Variants in TBC1D26 observed in about 807,000 individuals in gnomAD.
TBC1D26 encodes the protein TBC1 domain family member 26.
In TBC1D26, 19 loss-of-function variants were observed where a neutral mutation model predicts 42.5. The ratio of observed to expected loss-of-function variants is 0.45; its 90% CI spans 0.31 to 0.66. The LOEUF (loss-of-function observed/expected upper bound fraction) is 0.66, where lower values mean the gene tolerates loss of function less well. Ranked by LOEUF, TBC1D26 falls within the 30% of genes least tolerant of loss-of-function variation. The pLI is 0.06. For missense variants in TBC1D26, 228 were observed against 332.6 expected (o/e 0.69, Z 2.45); for synonymous variants, 97 against 123.5 (o/e 0.79, Z 1.42).
In TBC1D26 at chr17:15,740,854, C is replaced by A. The variant is rs1967757648; in HGVS notation, c.547-268C>A. ...CCTGGCCCAGGGGAGGGAGCATGAACAATCCCTGACTGTGCCCTTTCGGGC... is the reference window on the plus strand; with the variant it reads ...CCTGGCCCAGGGGAGGGAGCATGAAAAATCCCTGACTGTGCCCTTTCGGGC... On this transcript the variant is annotated intron_variant, in intron 9 of 14. Coordinates refer to ENST00000437605, the MANE Select transcript of TBC1D26 (RefSeq NM_001388465.1). The A allele has an allele frequency of 6.6e-6, 4 of 608,778 alleles. No homozygotes were observed. The South Asian group carries it at 8.5e-5, about 13-fold the overall frequency. 37.7% of individuals were successfully genotyped at this position (608,778 alleles called of 1,614,324 possible). A position where few individuals can be genotyped will look rare whatever the true frequency, so the allele number is the denominator to read the frequency against.
At chr17:15,739,382 C>T (rs1443034985) in intron 8 of TBC1D26, among the ~76,000 whole-genome samples, 5 of 152,248 alleles carry the variant, frequency 3.3e-5, no homozygotes, top group Non-Finnish European at 5.9e-5. Context: ...AAGTAAAACC[C>T]GCATGTGACG....
chr17:15,741,054 A>G (rs1436287876), intron 9 of TBC1D26, 68 bp from the exon 10 acceptor site: 2 of 1,593,276 alleles, frequency 1.3e-6, no homozygotes, highest in Non-Finnish European at 1.7e-6. Context: ...CTCTGGTGAC[A>G]TAAGTCCTCC....
intron 7 of TBC1D26, 99 bp downstream of exon 7, chr17:15,738,486 T>C (rs1037376967): frequency 2.1e-5 from 31 of 1,448,550 alleles, no homozygotes; most frequent in Non-Finnish European, 2.9e-5. Context: ...GGGTTGGGAG[T>C]GGGGGCTGTG....
rs1218677003 is a variant in TBC1D26, at chr17:15,737,614, G to T, written c.198+91G>T. On this transcript the variant is annotated intron_variant, in intron 5 of 14. Transcript: ENST00000437605. ...CAGAGGGGGTGGCCTGTGGGCCTGT[G>T]TGGTGGTGAGTGGGCCACGGCTGTC... 3 of 1,436,398 alleles carry T rather than the reference G, an allele frequency of 2.1e-6. No individual in the cohort carries two copies. In the African/African-American group the frequency reaches 4.2e-5, roughly 20 times the overall value. 89.0% of individuals were successfully genotyped at this position (1,436,398 alleles called of 1,614,324 possible).
intron 4 of TBC1D26, among the ~76,000 whole-genome samples, chr17:15,736,227 C>T (rs1967608888): frequency 6.6e-6 from 1 of 152,264 alleles, no homozygotes. Context: ...GAGCATGCAA[C>T]TGAAGGCCCC....
At chr17:15,738,112 C>T (rs780125299) in intron 6 of TBC1D26, 35 bp downstream of exon 6, 21 of 1,613,832 alleles carry the variant, frequency 1.3e-5, no homozygotes, top group Non-Finnish European at 1.7e-5. Flanking sequence ...CGTGACTGCT[C>T]TCTGCAGAGC....
At chr17:15,734,783 G>A in intron 1 of TBC1D26, 147 bp from the exon 2 acceptor site, 2 of 177,402 alleles carry the variant, frequency 1.1e-5, no homozygotes, top group South Asian at 1.1e-4. Context: ...GTCTCCATGA[G>A]CACAGAGGCT....
intron 1 of TBC1D26, among the ~76,000 whole-genome samples, chr17:15,733,520 G>A (rs1967532517): frequency 6.6e-6 from 1 of 152,198 alleles, no homozygotes; most frequent in South Asian, 2.1e-4. Context: ...TTCTGAGGTT[G>A]GGGAGGACCC....
intron 9 of TBC1D26, 179 bp from the exon 10 acceptor site, chr17:15,740,943 G>A (rs1718998676): frequency 1.3e-6 from 1 of 787,820 alleles, no homozygotes; most frequent in Non-Finnish European, 2.0e-6. Context: ...AGTTGTGCGT[G>A]ACCTGCTCAG....
intron 10 of TBC1D26, 166 bp from the exon 11 acceptor site, chr17:15,741,776 A>G: frequency 1.6e-6 from 1 of 639,670 alleles, no homozygotes; most frequent in Non-Finnish European, 2.7e-6. Context: ...CAGTGCCTCC[A>G]GCCAGGGACC....
chr17:15,736,444 C>T (rs1209484029), intron 4 of TBC1D26: 1 of 151,696 alleles, frequency 6.6e-6, no homozygotes, highest in Non-Finnish European at 1.5e-5. Flanking sequence ...ATGGGGTGGG[C>T]AGGGAACAGT....
intron 1 of TBC1D26, chr17:15,733,791 T>A (rs1463059051): frequency 2.0e-5 from 3 of 152,230 alleles, no homozygotes; most frequent in Non-Finnish European, 4.4e-5. Context: ...CCTCAAAATG[T>A]CACTGGTGCT....
In TBC1D26 at chr17:15,732,298, G is replaced by A. The variant is rs556254766; in HGVS notation, c.-229G>A. The A allele has an allele frequency of 2.6e-3, 368 of 141,398 alleles. No homozygotes were observed. Among genetic ancestry groups the A allele is most frequent in the African/African-American group, 9.0e-3 (347 of 38,440 alleles). The allele number at this position is 141,398 out of a possible 1,614,324, so 8.8% of individuals were successfully genotyped here. A position where few individuals can be genotyped will look rare whatever the true frequency, so the allele number is the denominator to read the frequency against. On this transcript the variant is annotated 5_prime_UTR_variant, in exon 1 of 15. Transcript: ENST00000437605. Reference sequence around the variant, plus strand: ...TCCACTTGCCGTCTCTATGTCTGGAGCTCTTAGAGATAAGACATAGAGGTG... The same window carrying A: ...TCCACTTGCCGTCTCTATGTCTGGAACTCTTAGAGATAAGACATAGAGGTG...
Position 15,740,204 on chromosome 17 carries a change from G to A in TBC1D26, c.546+56G>A, listed in dbSNP as rs148166507. On this transcript the variant is annotated intron_variant, in intron 9 of 14. Coordinates refer to ENST00000437605, the MANE Select transcript of TBC1D26 (RefSeq NM_001388465.1). ...GACATGTGCCCATATTCACAGGCATGGGTGTCTCTTGGGGGTGTTGCAACT... is the reference window on the plus strand; with the variant it reads ...GACATGTGCCCATATTCACAGGCATAGGTGTCTCTTGGGGGTGTTGCAACT... 5.7e-5 allele frequency: 92 copies of A among 1,614,164 alleles called. No individual in the cohort carries two copies. In the African/African-American group the frequency reaches 1.1e-3, roughly 19 times the overall value.
chr17:15,740,939 G>C, intron 9 of TBC1D26, 183 bp from the exon 10 acceptor site: 1 of 764,814 alleles, frequency 1.3e-6, no homozygotes. Flanking sequence ...ACTGAGTTGT[G>C]CGTGACCTGC....
intron 8 of TBC1D26, among the ~76,000 whole-genome samples, 181 bp downstream of exon 8, chr17:15,739,011 C>G (rs1199288978): frequency 7.0e-6 from 1 of 142,658 alleles, no homozygotes; most frequent in Non-Finnish European, 1.5e-5. Context: ...AGCTCTGGGC[C>G]GGGCTGGGAC....
chr17:15,744,393 C>T lies in TBC1D26; in HGVS notation c.1208C>T (p.Ala403Val), dbSNP rs750615603. 1.3e-5 allele frequency: 2 copies of T among 152,074 alleles called. No individual in the cohort carries two copies. Among genetic ancestry groups the T allele is most frequent in the African/African-American group, 2.4e-5 (1 of 41,410 alleles). 9.4% of individuals were successfully genotyped at this position (152,074 alleles called of 1,614,324 possible). Residue 403 changes from alanine (A) to valine (V), a missense_variant, in exon 15 of 15, where the codon GCC becomes GTC. By Grantham distance (64) the Ala-to-Val change is moderately conservative (BLOSUM62 0). Transcript: ENST00000437605. ...ALLNPGCHLP[A>V]QKRRNEGQPA... ...CTGAATCCTGGATGTCACCTTCCTG[C>T]CCAAAAAAGGAGGAACGAGGGTCAA...
At chr17:15,740,354 A>G (rs2151502021) in intron 9 of TBC1D26, 3 of 1,498,492 alleles carry the variant, frequency 2.0e-6, no homozygotes, top group Middle Eastern at 1.9e-4. Context: ...TCTCAGATGA[A>G]GAAACGACCT....
chr17:15,738,474 C>T, intron 7 of TBC1D26, 87 bp downstream of exon 7: 3 of 1,522,306 alleles, frequency 2.0e-6, no homozygotes, highest in Non-Finnish European at 2.7e-6. Flanking sequence ...AACGTTGAGC[C>T]TGGGTTGGGA....
Sources: gnomAD v4.1 joint callset for allele counts (sites outside exome capture counted in the v4.1 genomes callset) on GRCh38, gnomAD v4.1.1 for gene constraint, MANE v1.5 for transcripts, NCBI Gene and HGNC (gene_info 2026-07-23, HGNC 2026-07-21) for gene names.